Variants in LDLRAD3 observed in about 807,000 individuals in gnomAD.
LDLRAD3 encodes the protein low density lipoprotein receptor class A domain containing 3, also known as low-density lipoprotein receptor class A domain-containing protein 3.
A neutral mutation model predicts 29.4 loss-of-function variants in LDLRAD3; 20 were observed. That is an observed-to-expected ratio of 0.68 (90% CI 0.48 to 0.99). The LOEUF is 0.99. Ranked by LOEUF, LDLRAD3 falls within the 50% of genes least tolerant of loss-of-function variation. The pLI is 0.00. For synonymous variants in LDLRAD3, 157 were observed against 192.7 expected (o/e 0.81, Z 1.53); for missense variants, 420 against 454.3 (o/e 0.92, Z 0.69).
At chr11:36,044,160 G>A (rs1305974146) in intron 2 of LDLRAD3, among the ~76,000 whole-genome samples, 3 of 151,820 alleles carry the variant, frequency 2.0e-5, no homozygotes, top group South Asian at 2.1e-4. Flanking sequence ...TGCAGCCCCC[G>A]GGCTTACCAT....
At chr11:36,050,914 C>G (rs150042340) in intron 2 of LDLRAD3, among the ~76,000 whole-genome samples, 1 of 152,304 alleles carries the variant, frequency 6.6e-6, no homozygotes, top group East Asian at 1.9e-4. Flanking sequence ...CAGCCGTCTT[C>G]TCACTGTGTC....
chr11:36,065,694 G>A (rs1170738788), intron 2 of LDLRAD3, among the ~76,000 whole-genome samples: 1 of 152,196 alleles, frequency 6.6e-6, no homozygotes, highest in East Asian at 1.9e-4. Flanking sequence ...TCTCTGCCCT[G>A]TTGACACACT....
intron 2 of LDLRAD3, among the ~76,000 whole-genome samples, chr11:36,040,707 A>T (rs1357509878): frequency 6.6e-6 from 1 of 152,112 alleles, no homozygotes. Context: ...AATTAAAATT[A>T]CTGGGTTGGA....
At chr11:36,051,639 C>T (rs1450475243) in intron 2 of LDLRAD3, among the ~76,000 whole-genome samples, 2 of 152,084 alleles carry the variant, frequency 1.3e-5, no homozygotes, top group African/African-American at 2.4e-5. Context: ...AAACGCTTGC[C>T]TGCCATCATC....
At chr11:36,160,105 A>G (rs1854417113) in intron 4 of LDLRAD3, among the ~76,000 whole-genome samples, 1 of 152,212 alleles carries the variant, frequency 6.6e-6, no homozygotes, top group African/African-American at 2.4e-5. Flanking sequence ...ACAGAAAGAA[A>G]AGCATCTCCC....
In LDLRAD3 at chr11:36,231,476, T is replaced by A. The variant is rs1223758675; in HGVS notation, c.*2079T>A. The A allele has an allele frequency of 6.6e-6, 1 of 152,182 alleles. No individual in the cohort carries two copies. Among genetic ancestry groups the A allele is most frequent in the Non-Finnish European group, 1.5e-5 (1 of 68,024 alleles). The allele number at this position is 152,182 out of a possible 1,614,324, so 9.4% of individuals were successfully genotyped here. On this transcript the variant is annotated 3_prime_UTR_variant, in exon 6 of 6. Coordinates refer to ENST00000315571, the MANE Select transcript of LDLRAD3 (RefSeq NM_174902.4). ...CTCCTGTGAGTCAGAAGGGCTTTATTTCTCCCTTTGATGGGGCCCCTTCTT... is the reference window on the plus strand; with the variant it reads ...CTCCTGTGAGTCAGAAGGGCTTTATATCTCCCTTTGATGGGGCCCCTTCTT...
chr11:36,005,684 C>T (rs10836479), intron 1 of LDLRAD3, among the ~76,000 whole-genome samples: 18,635 of 152,120 alleles, frequency 0.12, 1,955 homozygotes, highest in African/African-American at 0.27. Context: ...TGTATTAGTT[C>T]ATTTTCACAC....
At chr11:36,196,714 A>T (rs540380369) in intron 4 of LDLRAD3, 2 of 152,352 alleles carry the variant, frequency 1.3e-5, no homozygotes, top group East Asian at 3.9e-4. Flanking sequence ...CTAACAATGC[A>T]CGTGGGGCTC....
At chr11:36,033,596 G>GA (rs1431443565) in intron 1 of LDLRAD3, among the ~76,000 whole-genome samples, 1 of 152,220 alleles carries the variant, frequency 6.6e-6, no homozygotes, top group Non-Finnish European at 1.5e-5. Flanking sequence ...AAACAAAGCA[G>GA]AATGACCCTT....
At chr11:36,129,808 G>A (rs1347414539) in intron 4 of LDLRAD3, among the ~76,000 whole-genome samples, 1 of 152,146 alleles carries the variant, frequency 6.6e-6, no homozygotes, top group East Asian at 1.9e-4. Context: ...TCTTTGCTCA[G>A]TGAGACCTTC....
chr11:36,062,672 T>A (rs1343064397), intron 2 of LDLRAD3, among the ~76,000 whole-genome samples: 1 of 152,138 alleles, frequency 6.6e-6, no homozygotes, highest in African/African-American at 2.4e-5. Flanking sequence ...TGACAGTGAG[T>A]GAGTTCTCAT....
chr11:36,104,303 G>A (rs910646682), intron 4 of LDLRAD3, among the ~76,000 whole-genome samples: 10 of 152,200 alleles, frequency 6.6e-5, no homozygotes, highest in African/African-American at 1.9e-4. Context: ...CTGCAGCCCC[G>A]GCTGACACGC....
chr11:36,069,279 C>G (rs921676410), intron 2 of LDLRAD3, among the ~76,000 whole-genome samples: 2 of 152,206 alleles, frequency 1.3e-5, no homozygotes, highest in African/African-American at 4.8e-5. Flanking sequence ...CCTGGAGAAT[C>G]CAGGCAGATT....
At chr11:36,061,387 T>A (rs1852696906) in intron 2 of LDLRAD3, among the ~76,000 whole-genome samples, 1 of 152,182 alleles carries the variant, frequency 6.6e-6, no homozygotes, top group Admixed American at 6.5e-5. Context: ...GTGATCTGCC[T>A]GCCTTGGCCT....
chr11:36,032,884 T>C (rs1392815308), intron 1 of LDLRAD3, among the ~76,000 whole-genome samples: 3 of 151,878 alleles, frequency 2.0e-5, no homozygotes, highest in Non-Finnish European at 4.4e-5. Context: ...CTCATGCCTT[T>C]TTTTTTTTAG....
intron 4 of LDLRAD3, among the ~76,000 whole-genome samples, chr11:36,206,648 C>T (rs1001033710): frequency 2.6e-5 from 4 of 151,858 alleles, no homozygotes; most frequent in African/African-American, 4.8e-5. Context: ...GTCAAGAGAG[C>T]GTCAGTCCTA....
chr11:36,125,786 G>A (rs868147681), intron 4 of LDLRAD3, among the ~76,000 whole-genome samples: 4 of 152,196 alleles, frequency 2.6e-5, no homozygotes, highest in African/African-American at 4.8e-5. Flanking sequence ...TTTTGGTGGT[G>A]GAGAATGGTG....
chr11:36,046,819 C>T (rs918231238), intron 2 of LDLRAD3, among the ~76,000 whole-genome samples: 3 of 152,116 alleles, frequency 2.0e-5, no homozygotes, highest in African/African-American at 7.2e-5. Context: ...TTACCTCTGC[C>T]TTTGTAGCAT....
At chr11:36,110,385 G>T (rs1298950154) in intron 4 of LDLRAD3, among the ~76,000 whole-genome samples, 1 of 152,174 alleles carries the variant, frequency 6.6e-6, no homozygotes, top group East Asian at 1.9e-4. Context: ...GAATGGCGGA[G>T]TCCATCCTGG....
Sources: gnomAD v4.1 joint callset for allele counts (sites outside exome capture counted in the v4.1 genomes callset) on GRCh38, gnomAD v4.1.1 for gene constraint, MANE v1.5 for transcripts, NCBI Gene and HGNC (gene_info 2026-07-23, HGNC 2026-07-21) for gene names.